LRMDA: variants seen among roughly 807,000 people sequenced by gnomAD.
The protein encoded by LRMDA is leucine-rich melanocyte differentiation-associated protein.
Under a neutral mutation model 29.8 loss-of-function variants are expected in LRMDA, and 18 were observed. That is an observed-to-expected ratio of 0.60 (90% CI 0.42 to 0.90). The LOEUF is 0.90. Ranked by LOEUF, LRMDA falls within the 40% of genes least tolerant of loss-of-function variation. The probability of loss-of-function intolerance (pLI) is 0.00; values close to 1 mark genes in which losing one functional copy is unlikely to be tolerated. For synonymous variants in LRMDA, 125 were observed against 109.4 expected (o/e 1.14, Z -0.89); for missense variants, 273 against 273.9 (o/e 1.00, Z 0.02).
At chr10:76,434,150 T>C (rs929242119) in intron 6 of LRMDA, among the ~76,000 whole-genome samples, 7 of 152,030 alleles carry the variant, frequency 4.6e-5, no homozygotes, top group Non-Finnish European at 1.0e-4. Flanking sequence ...TATCCTCTTC[T>C]TTCTTTCTTT....
intron 2 of LRMDA, among the ~76,000 whole-genome samples, chr10:75,930,670 G>A (rs572527244): frequency 2.0e-5 from 3 of 152,280 alleles, no homozygotes; most frequent in African/African-American, 7.2e-5. Flanking sequence ...AAGTTGCTGA[G>A]AGAGCCTTCA....
chr10:76,070,335 A>G (rs941591144), intron 5 of LRMDA, among the ~76,000 whole-genome samples: 2 of 152,188 alleles, frequency 1.3e-5, no homozygotes, highest in Non-Finnish European at 1.5e-5. Context: ...AAACAACAGA[A>G]ATGCATTTTC....
chr10:75,694,983 A>G (rs1356540807), intron 2 of LRMDA, among the ~76,000 whole-genome samples: 1 of 152,160 alleles, frequency 6.6e-6, no homozygotes, highest in Non-Finnish European at 1.5e-5. Flanking sequence ...TGGGAGCCAC[A>G]GTGTCTGCAT....
At chr10:76,084,442 T>A (rs988940286) in intron 5 of LRMDA, among the ~76,000 whole-genome samples, 1 of 132,830 alleles carries the variant, frequency 7.5e-6, no homozygotes, top group Non-Finnish European at 1.6e-5. Flanking sequence ...CTTGAACTCC[T>A]GACCTCAAGT....
chr10:76,435,359 C>T (rs1842234907), intron 6 of LRMDA, among the ~76,000 whole-genome samples: 1 of 152,084 alleles, frequency 6.6e-6, no homozygotes, highest in African/African-American at 2.4e-5. Context: ...TTCATGAGGC[C>T]CCAGAAGCTG....
chr10:75,673,671 A>C (rs925750490), intron 2 of LRMDA, among the ~76,000 whole-genome samples: 3 of 152,196 alleles, frequency 2.0e-5, no homozygotes, highest in African/African-American at 4.8e-5. Context: ...CAGCTCACAA[A>C]AGGGTAACAA....
At chr10:76,034,133 G>A (rs897893787) in intron 2 of LRMDA, among the ~76,000 whole-genome samples, 1 of 152,172 alleles carries the variant, frequency 6.6e-6, no homozygotes, top group Non-Finnish European at 1.5e-5. Flanking sequence ...GAGGAGCGGA[G>A]GCAAAGTCCC....
At chr10:75,838,302 C>A (rs981171474) in intron 2 of LRMDA, among the ~76,000 whole-genome samples, 3 of 152,102 alleles carry the variant, frequency 2.0e-5, no homozygotes, top group Non-Finnish European at 4.4e-5. Context: ...CATTGCAAAT[C>A]CAGAGAAAAA....
chr10:75,862,121 T>C (rs1844940864), intron 2 of LRMDA, among the ~76,000 whole-genome samples: 1 of 151,914 alleles, frequency 6.6e-6, no homozygotes, highest in Non-Finnish European at 1.5e-5. Flanking sequence ...GGTAAAATAG[T>C]GGTTGTTTAA....
intron 5 of LRMDA, among the ~76,000 whole-genome samples, chr10:76,126,954 C>T (rs538993211): frequency 6.6e-5 from 10 of 152,350 alleles, no homozygotes; most frequent in African/African-American, 2.4e-4. Flanking sequence ...AGATACCTGG[C>T]TGAATGTTTC....
At chr10:76,521,288 C>T (rs993242876) in intron 6 of LRMDA, among the ~76,000 whole-genome samples, 1 of 152,134 alleles carries the variant, frequency 6.6e-6, no homozygotes, top group African/African-American at 2.4e-5. Flanking sequence ...CGCCTGCCAC[C>T]ACGCCCGGCT....
At chr10:76,255,275 A>G in intron 5 of LRMDA, among the ~76,000 whole-genome samples, 1 of 152,228 alleles carries the variant, frequency 6.6e-6, no homozygotes. Context: ...ACCAAAATTA[A>G]AAGTGACTCA....
At chr10:76,448,474 T>A (rs528497767) in intron 6 of LRMDA, among the ~76,000 whole-genome samples, 6 of 152,140 alleles carry the variant, frequency 3.9e-5, no homozygotes, top group Non-Finnish European at 7.4e-5. Flanking sequence ...CTATTTCCAA[T>A]TTACATTCCA....
At chr10:76,535,231 A>AT (rs1843277779) in intron 6 of LRMDA, among the ~76,000 whole-genome samples, 1 of 152,166 alleles carries the variant, frequency 6.6e-6, no homozygotes, top group Non-Finnish European at 1.5e-5. Context: ...GGTCTTATGC[A>AT]TTTTTGTGAA....
intron 2 of LRMDA, among the ~76,000 whole-genome samples, chr10:75,991,209 T>G (rs16932770): frequency 1.3e-5 from 2 of 152,108 alleles, no homozygotes; most frequent in African/African-American, 4.8e-5. Context: ...GTATTTTTGG[T>G]GTGTGTGCAT....
At chr10:75,606,638 G>T (rs977684465) in intron 2 of LRMDA, among the ~76,000 whole-genome samples, 3 of 152,178 alleles carry the variant, frequency 2.0e-5, no homozygotes, top group African/African-American at 7.2e-5. Context: ...CAGAGCTGCC[G>T]CAGTGTTTTT....
intron 5 of LRMDA, among the ~76,000 whole-genome samples, chr10:76,309,350 G>A (rs532648044): frequency 6.6e-6 from 1 of 152,188 alleles, no homozygotes; most frequent in South Asian, 2.1e-4. Flanking sequence ...GTGGGTGGTG[G>A]AGGTAATAAT....
At chr10:76,112,837 CTCTTTTT>C (rs1349120789) in intron 5 of LRMDA, among the ~76,000 whole-genome samples, 1 of 152,172 alleles carries the variant, frequency 6.6e-6, no homozygotes, top group African/African-American at 2.4e-5. Context: ...GCTTCTCTCT[CTCTTTTT>C]TCTTTTTGCA....
At chr10:76,135,164 C>G (rs1850070694) in intron 5 of LRMDA, among the ~76,000 whole-genome samples, 2 of 152,028 alleles carry the variant, frequency 1.3e-5, no homozygotes, top group Non-Finnish European at 2.9e-5. Flanking sequence ...ACAGAAGGAC[C>G]CTCTTGGACC....
Sources: allele counts gnomAD v4.1 joint callset (sites outside exome capture counted in the v4.1 genomes callset), GRCh38; gene constraint gnomAD v4.1.1; transcripts MANE v1.5; gene names NCBI Gene and HGNC (gene_info 2026-07-23, HGNC 2026-07-21).